Variants in PCDHGB2 observed in about 807,000 individuals in gnomAD.
The protein encoded by PCDHGB2 is protocadherin gamma-B2.
PCDHGB2 carries 55 observed loss-of-function variants against 59.3 expected under a neutral mutation model. The observed-to-expected ratio is 0.93, with a 90% CI of 0.75 to 1.16. The LOEUF is 1.16. Among genes scored for constraint, PCDHGB2 ranks in the 50% most tolerant of loss-of-function variants. The pLI is 0.00. For synonymous variants in PCDHGB2, 516 were observed against 512.0 expected (o/e 1.01, Z -0.11); for missense variants, 1,228 against 1,198.5 (o/e 1.02, Z -0.36).
At chr5:141,373,221 T>C (rs1295527389) in intron 1 of PCDHGB2, among the ~76,000 whole-genome samples, 1 of 152,268 alleles carries the variant, frequency 6.6e-6, no homozygotes, top group Non-Finnish European at 1.5e-5. Flanking sequence ...TAATGTAACC[T>C]GTATATAATA....
At chr5:141,418,287 G>C in intron 1 of PCDHGB2, 1 of 1,614,020 alleles carries the variant, frequency 6.2e-7, no homozygotes, top group South Asian at 1.1e-5. Context: ...TTAGAAATCA[G>C]TGAATCCGTC....
In PCDHGB2 at chr5:141,489,098, T is replaced by C; in HGVS notation, c.2422-5709T>C. 1 of 293,346 alleles carries C rather than the reference T, an allele frequency of 3.4e-6. No homozygotes were observed. The highest frequency in any genetic ancestry group is 5.5e-5 in the South Asian group (1 of 18,124). The allele number at this position is 293,346 out of a possible 1,614,324, so 18.2% of individuals were successfully genotyped here. A position where few individuals can be genotyped will look rare whatever the true frequency, so the allele number is the denominator to read the frequency against. ...CCCCCGCCACTCGGTGACTAAGAAC[T>C]GCTGCAAGCAGGCAAACCTCCGAGC... On this transcript the variant is annotated intron_variant, in intron 1 of 3. Transcript: ENST00000522605. The surrounding 1 kb of genome is among the most constrained non-coding windows in gnomAD (Gnocchi z 4.5).
chr5:141,482,016 C>T (rs2099550411), intron 1 of PCDHGB2, among the ~76,000 whole-genome samples: 1 of 148,596 alleles, frequency 6.7e-6, no homozygotes, highest in African/African-American at 2.5e-5. Context: ...TCTCAGGAAG[C>T]AGAGGTTGCA....
At chr5:141,395,807 A>G (rs1561656089) in intron 1 of PCDHGB2, 1 of 152,004 alleles carries the variant, frequency 6.6e-6, no homozygotes, top group Non-Finnish European at 1.5e-5. Context: ...ATCCTTCAAA[A>G]CATGAACAAA....
intron 1 of PCDHGB2, chr5:141,417,503 T>G (rs1171198405): frequency 8.7e-6 from 2 of 229,844 alleles, no homozygotes; most frequent in East Asian, 1.9e-4. Context: ...GGAAAAAGAT[T>G]AAAATATTTT....
At chr5:141,363,691 T>C (rs927918619) in intron 1 of PCDHGB2, among the ~76,000 whole-genome samples, 2 of 152,250 alleles carry the variant, frequency 1.3e-5, no homozygotes, top group Non-Finnish European at 2.9e-5. Flanking sequence ...ATAACTTACA[T>C]AAATCAGTAG....
chr5:141,404,942 A>G, intron 1 of PCDHGB2: 2 of 1,613,982 alleles, frequency 1.2e-6, no homozygotes, highest in South Asian at 1.1e-5. Context: ...CACAGTAGCC[A>G]TAGCTGACAG....
intron 1 of PCDHGB2, among the ~76,000 whole-genome samples, chr5:141,406,174 G>T (rs990967391): frequency 6.6e-6 from 1 of 151,264 alleles, no homozygotes; most frequent in African/African-American, 2.4e-5. Context: ...CTGGGCTTAT[G>T]CAATCCTCCC....
At chr5:141,382,762 C>T in intron 1 of PCDHGB2, 1 of 690,986 alleles carries the variant, frequency 1.4e-6, no homozygotes, top group Non-Finnish European at 2.4e-6. Context: ...AAGCCCTCTT[C>T]CAGGCTGCAC....
chr5:141,383,308 G>A, intron 1 of PCDHGB2: 1 of 1,613,976 alleles, frequency 6.2e-7, no homozygotes, highest in Non-Finnish European at 8.5e-7. Context: ...CTTGACGGAA[G>A]AAATAAATGT....
intron 1 of PCDHGB2, chr5:141,370,354 C>T (rs745912783): frequency 1.4e-5 from 21 of 1,505,704 alleles, no homozygotes; most frequent in Non-Finnish European, 1.9e-5. Flanking sequence ...TTAAAGATCT[C>T]CTCTCCTCGG....
At chr5:141,501,298 C>CAG (rs2099807427) in intron 2 of PCDHGB2, among the ~76,000 whole-genome samples, 1 of 148,330 alleles carries the variant, frequency 6.7e-6, no homozygotes, top group Non-Finnish European at 1.5e-5. Context: ...TATACACACA[C>CAG]ACACACACAC....
intron 1 of PCDHGB2, chr5:141,393,962 CTG>C: frequency 6.2e-7 from 1 of 1,613,894 alleles, no homozygotes; most frequent in Non-Finnish European, 8.5e-7. Context: ...GTCAAGTTGT[CTG>C]TTACACACGT....
chr5:141,408,302 C>T (rs1017556555), intron 1 of PCDHGB2: 1 of 1,613,780 alleles, frequency 6.2e-7, no homozygotes, highest in Non-Finnish European at 8.5e-7. Context: ...TGAGCCGATC[C>T]GCTACTCGAT....
chr5:141,383,137 C>T, intron 1 of PCDHGB2: 1 of 1,614,112 alleles, frequency 6.2e-7, no homozygotes, highest in Non-Finnish European at 8.5e-7. Context: ...CCTGAACCAG[C>T]GCAGCGGCAG....
chr5:141,364,513 G>T, intron 1 of PCDHGB2: 1 of 1,614,052 alleles, frequency 6.2e-7, no homozygotes, highest in Non-Finnish European at 8.5e-7. Context: ...AGCTGGCGGA[G>T]CGCGGAGTCC....
chr5:141,486,673 A>G lies in PCDHGB2; in HGVS notation c.2422-8134A>G. On this transcript the variant is annotated intron_variant, in intron 1 of 3. Transcript: ENST00000522605. The surrounding 1 kb of genome is among the most constrained non-coding windows in gnomAD (Gnocchi z 5.0). ...ACTCACTCCTGGAGCCCAGGAATCG[A>G]GATGTATCAGCTTCCTCTTTCATCT... The G allele has an allele frequency of 6.2e-7, 1 of 1,614,014 alleles. No homozygotes were observed. The highest frequency in any genetic ancestry group is 2.2e-5 in the East Asian group (1 of 44,866).
At chr5:141,409,396 C>A in intron 1 of PCDHGB2, 1 of 1,614,004 alleles carries the variant, frequency 6.2e-7, no homozygotes, top group Non-Finnish European at 8.5e-7. Flanking sequence ...ATTCTTCTTC[C>A]AATAACTACT....
In PCDHGB2 at chr5:141,376,620, C is replaced by T. The variant is rs2150087257; in HGVS notation, c.2421+14064C>T. The stretch of plus-strand genomic sequence containing the variant: ...TTATAGAAGCGAACCTCTTTTGGTA[C>T]AGGAAGATTCGTGATTTTGTAAAGT... On this transcript the variant is annotated intron_variant, in intron 1 of 3. Transcript: ENST00000522605. 2.9e-6 allele frequency: 4 copies of T among 1,360,830 alleles called. No homozygotes were observed. In the East Asian group the frequency reaches 7.4e-5, roughly 25 times the overall value. The allele number at this position is 1,360,830 out of a possible 1,614,324, so 84.3% of individuals were successfully genotyped here. A position where few individuals can be genotyped will look rare whatever the true frequency, so the allele number is the denominator to read the frequency against.
Sources: gnomAD v4.1 joint callset for allele counts (sites outside exome capture counted in the v4.1 genomes callset) on GRCh38, gnomAD v4.1.1 for gene constraint, Gnocchi (gnomAD v3.1) non-coding constraint, MANE v1.5 for transcripts, NCBI Gene and HGNC (gene_info 2026-07-23, HGNC 2026-07-21) for gene names.